THSD7B: variants seen among roughly 807,000 people sequenced by gnomAD.
THSD7B encodes thrombospondin type 1 domain containing 7B, also known as thrombospondin type-1 domain-containing protein 7B.
In THSD7B, 138 loss-of-function variants were observed where a neutral mutation model predicts 213.6. The observed-to-expected ratio is 0.65, with a 90% confidence interval of 0.56 to 0.74. The LOEUF (loss-of-function observed/expected upper bound fraction) is 0.74. Among genes scored for constraint, THSD7B ranks in the 30% least tolerant of loss-of-function variants. The pLI is 0.00. For missense variants in THSD7B, 1,931 were observed against 1,991.5 expected (o/e 0.97, Z 0.58); for synonymous variants, 742 against 687.0 (o/e 1.08, Z -1.25).
At chr2:137,523,915 C>T (rs1484920823) in intron 15 of THSD7B, among the ~76,000 whole-genome samples, 1 of 152,102 alleles carries the variant, frequency 6.6e-6, no homozygotes, top group African/African-American at 2.4e-5. Flanking sequence ...CAAATAGGTC[C>T]TCAACACATG....
intron 7 of THSD7B, among the ~76,000 whole-genome samples, chr2:137,184,789 C>T (rs886923246): frequency 6.6e-6 from 1 of 152,000 alleles, no homozygotes; most frequent in Non-Finnish European, 1.5e-5. Context: ...TAATAGAAAG[C>T]CCACTGTACT....
At chr2:137,361,270 G>T (rs983056442) in intron 12 of THSD7B, among the ~76,000 whole-genome samples, 1 of 152,184 alleles carries the variant, frequency 6.6e-6, no homozygotes, top group Non-Finnish European at 1.5e-5. Context: ...CACAAAGATG[G>T]CGAGGAACCA....
chr2:137,087,809 T>C (rs1288552228), intron 3 of THSD7B, among the ~76,000 whole-genome samples: 1 of 152,100 alleles, frequency 6.6e-6, no homozygotes, highest in Non-Finnish European at 1.5e-5. Flanking sequence ...AATTCTAAAA[T>C]TCATATGGAA....
At chr2:137,263,230 C>T (rs908157593) in intron 10 of THSD7B, among the ~76,000 whole-genome samples, 6 of 151,680 alleles carry the variant, frequency 4.0e-5, no homozygotes, top group African/African-American at 1.5e-4. Context: ...AAAGGGCTTT[C>T]ATATAAAAAA....
At chr2:137,369,185 C>T (rs1685490961) in intron 12 of THSD7B, among the ~76,000 whole-genome samples, 1 of 151,752 alleles carries the variant, frequency 6.6e-6, no homozygotes, top group African/African-American at 2.4e-5. Context: ...CAACTTTAGA[C>T]ACTATTTGGC....
At chr2:136,986,481 A>T (rs1469767141) in intron 2 of THSD7B, among the ~76,000 whole-genome samples, 1 of 152,202 alleles carries the variant, frequency 6.6e-6, no homozygotes, top group African/African-American at 2.4e-5. Flanking sequence ...CCCTCACCAG[A>T]AACAGATGCT....
chr2:137,628,782 G>GCTGCCCCACTGTCTCCATCACCTTGTA, intron 20 of THSD7B, among the ~76,000 whole-genome samples: 1 of 152,210 alleles, frequency 6.6e-6, no homozygotes, highest in East Asian at 1.9e-4. Context: ...TCTCACCTGT[G>GCTGCCCCACTGTCTCCATCACCTTGTA]CTGCCCCACT....
At chr2:136,969,438 G>A (rs546125819) in intron 2 of THSD7B, among the ~76,000 whole-genome samples, 46 of 152,268 alleles carry the variant, frequency 3.0e-4, no homozygotes, top group African/African-American at 1.1e-3. Flanking sequence ...AACTGCCTTG[G>A]AGGGAATATT....
chr2:136,937,056 C>T lies in THSD7B; in HGVS notation c.139+54739C>T, dbSNP rs149165308. Among the ~76,000 whole-genome samples, 105 of 152,094 alleles carry T rather than the reference C, an allele frequency of 6.9e-4. 1 individual carries two copies. The highest frequency in any genetic ancestry group is 1.2e-3 in the Admixed American group (18 of 15,264). Reference sequence around the variant, plus strand: ...TTGACTAAGTTGTGCAACCATATTCCGAACTGAGAATTTTCAGCACCGTAA... The same window carrying T: ...TTGACTAAGTTGTGCAACCATATTCTGAACTGAGAATTTTCAGCACCGTAA... On this transcript the variant is annotated intron_variant, in intron 2 of 27. Transcript: ENST00000409968.
At chr2:137,424,736 G>A (rs563265467) in intron 14 of THSD7B, among the ~76,000 whole-genome samples, 3 of 152,146 alleles carry the variant, frequency 2.0e-5, no homozygotes, top group South Asian at 2.1e-4. Flanking sequence ...CATATTTAAA[G>A]GTTCTGCATT....
chr2:137,090,188 A>G (rs565724845), intron 3 of THSD7B, among the ~76,000 whole-genome samples: 15 of 152,232 alleles, frequency 9.9e-5, no homozygotes, highest in African/African-American at 3.4e-4. Context: ...AAACATTTAT[A>G]CTTATTAATT....
intron 2 of THSD7B, among the ~76,000 whole-genome samples, chr2:136,911,726 T>C (rs962492022): frequency 2.0e-5 from 3 of 152,224 alleles, no homozygotes; most frequent in Non-Finnish European, 4.4e-5. Context: ...TTTGAGAAAC[T>C]GACACTCATT....
At chr2:137,213,425 A>T (rs1681166013) in intron 7 of THSD7B, among the ~76,000 whole-genome samples, 1 of 148,100 alleles carries the variant, frequency 6.8e-6, no homozygotes, top group Admixed American at 6.8e-5. Flanking sequence ...ACTAACCTAC[A>T]TAATATATAG....
intron 1 of THSD7B, among the ~76,000 whole-genome samples, chr2:136,849,235 G>C (rs997759512): frequency 1.3e-5 from 2 of 152,122 alleles, no homozygotes; most frequent in Non-Finnish European, 2.9e-5. Flanking sequence ...TGCCTAGTAG[G>C]TGCCATAGCT....
At chr2:137,574,244 G>A (rs1681414797) in intron 17 of THSD7B, among the ~76,000 whole-genome samples, 1 of 152,034 alleles carries the variant, frequency 6.6e-6, no homozygotes, top group Non-Finnish European at 1.5e-5. Context: ...TGAAGGTTTA[G>A]CATTCTGTGT....
intron 2 of THSD7B, among the ~76,000 whole-genome samples, chr2:136,946,501 C>G (rs956050915): frequency 1.3e-5 from 2 of 151,660 alleles, no homozygotes; most frequent in South Asian, 2.1e-4. Context: ...CTGGGAGAAC[C>G]ACTGCTCTCT....
intron 2 of THSD7B, among the ~76,000 whole-genome samples, chr2:136,912,076 G>T (rs750568552): frequency 6.6e-6 from 1 of 152,068 alleles, no homozygotes; most frequent in Non-Finnish European, 1.5e-5. Flanking sequence ...ACTTTGGGAG[G>T]CCAAGGTGGG....
chr2:136,853,699 G>A (rs548990248), intron 1 of THSD7B, among the ~76,000 whole-genome samples: 73 of 152,202 alleles, frequency 4.8e-4, no homozygotes, highest in African/African-American at 1.7e-3. Context: ...ACTCTTTCTT[G>A]AATTAACTAC....
intron 2 of THSD7B, among the ~76,000 whole-genome samples, chr2:136,924,831 CTT>C (rs1684495245): frequency 6.6e-6 from 1 of 152,104 alleles, no homozygotes; most frequent in South Asian, 2.1e-4. Context: ...ATTTATGTCT[CTT>C]CTTGATTTCT....
Sources: gnomAD v4.1 joint callset for allele counts (sites outside exome capture counted in the v4.1 genomes callset) on GRCh38, gnomAD v4.1.1 for gene constraint, MANE v1.5 for transcripts, NCBI Gene and HGNC (gene_info 2026-07-23, HGNC 2026-07-21) for gene names.